RANBP17: variants seen among roughly 807,000 people sequenced by gnomAD.
RANBP17 encodes ran-binding protein 17.
A neutral mutation model predicts 141.2 loss-of-function variants in RANBP17; 158 were observed. The observed-to-expected ratio is 1.12, with a 90% confidence interval of 0.98 to 1.28. RANBP17 has a LOEUF of 1.28. Ranked by LOEUF, RANBP17 falls within the 50% of genes most tolerant of loss-of-function variation. The pLI is 0.00. For missense variants in RANBP17, 1,438 were observed against 1,290.7 expected, an observed-to-expected ratio of 1.11 and a Z score of -1.75; for synonymous variants, 430 against 450.0, an observed-to-expected ratio of 0.96 and a Z score of 0.56.
At chr5:171,061,835 A>G (rs1242903562) in intron 14 of RANBP17, among the ~76,000 whole-genome samples, 2 of 152,170 alleles carry the variant, frequency 1.3e-5, no homozygotes, top group African/African-American at 4.8e-5. Context: ...TGCTTTATGA[A>G]TCTGGGTGCT....
chr5:171,211,024 A>G (rs986798191), intron 20 of RANBP17, among the ~76,000 whole-genome samples: 8 of 149,020 alleles, frequency 5.4e-5, no homozygotes, highest in Non-Finnish European at 8.9e-5. Flanking sequence ...AAAAAAGGCT[A>G]TACCTTTCTT....
chr5:170,897,309 T>A lies in RANBP17; in HGVS notation c.489+1194T>A. The A allele has an allele frequency of 3.3e-6, 2 of 613,098 alleles. 1 individual carries two copies. Among genetic ancestry groups the A allele is most frequent in the Middle Eastern group, 5.7e-4 (2 of 3,528 alleles). 38.0% of individuals were successfully genotyped at this position (613,098 alleles called of 1,614,324 possible). A position where few individuals can be genotyped will look rare whatever the true frequency, so the allele number is the denominator to read the frequency against. ...CAGTGTTTCTTTATAATACATTCCG[T>A]GGGAGGAGAATCAGGATCTGGGCTT... is the stretch of plus-strand genomic sequence containing the variant. On this transcript the variant is annotated intron_variant, in intron 5 of 27. Coordinates refer to ENST00000523189, the MANE Select transcript of RANBP17 (RefSeq NM_022897.5).
At chr5:171,147,224 A>G (rs936945272) in intron 14 of RANBP17, among the ~76,000 whole-genome samples, 1 of 152,074 alleles carries the variant, frequency 6.6e-6, no homozygotes, top group Non-Finnish European at 1.5e-5. Flanking sequence ...CCTGGTTAGC[A>G]CAATGAGTGG....
chr5:171,063,928 C>T (rs1784109999), intron 14 of RANBP17, among the ~76,000 whole-genome samples: 1 of 152,258 alleles, frequency 6.6e-6, no homozygotes, highest in South Asian at 2.1e-4. Flanking sequence ...GCTGTGCTAG[C>T]AGTCAGCGAG....
chr5:170,914,514 A>AT, intron 8 of RANBP17, among the ~76,000 whole-genome samples: 1 of 152,080 alleles, frequency 6.6e-6, no homozygotes, highest in Middle Eastern at 3.4e-3. Context: ...CTAAATACAT[A>AT]TTTTTTTCCT....
intron 14 of RANBP17, among the ~76,000 whole-genome samples, chr5:171,123,262 G>A (rs904888753): frequency 1.3e-5 from 2 of 152,110 alleles, no homozygotes; most frequent in Non-Finnish European, 2.9e-5. Flanking sequence ...ACCCACACAT[G>A]TCATCCAGGG....
intron 25 of RANBP17, chr5:171,271,089 T>TTTTTTTTTTTTTTTTA (rs1767085966): frequency 1.0e-5 from 1 of 97,810 alleles, no homozygotes; most frequent in Non-Finnish European, 2.0e-5. Flanking sequence ...TTTTTTTTTT[T>TTTTTTTTTTTTTTTTA]TTTTTTTTTT....
chr5:171,096,386 G>T (rs1447236484), intron 14 of RANBP17, among the ~76,000 whole-genome samples: 1 of 152,172 alleles, frequency 6.6e-6, no homozygotes, highest in African/African-American at 2.4e-5. Flanking sequence ...AGTCACTAAT[G>T]AAGTCATTGA....
At chr5:171,063,600 G>A (rs571051598) in intron 14 of RANBP17, among the ~76,000 whole-genome samples, 12 of 152,330 alleles carry the variant, frequency 7.9e-5, no homozygotes, top group Admixed American at 1.3e-4. Flanking sequence ...TAGGCTGCTC[G>A]GGGGTCAGGG....
chr5:171,175,633 A>G (rs552316265), intron 16 of RANBP17, among the ~76,000 whole-genome samples: 94 of 152,328 alleles, frequency 6.2e-4, no homozygotes, highest in South Asian at 1.9e-3. Context: ...AGGAACAGAC[A>G]CTTCTCAAAA....
rs754305404 is a variant in RANBP17, at chr5:171,039,948, A to G, written c.1710+71571A>G. On this transcript the variant is annotated intron_variant, in intron 14 of 27. Transcript: ENST00000523189. Reference sequence around the variant, plus strand: ...CAGCCAAATTCTACCACATGTACATAGAAGAGCTGGTACAAACTCTACCGA... The same window carrying G: ...CAGCCAAATTCTACCACATGTACATGGAAGAGCTGGTACAAACTCTACCGA... Among the ~76,000 whole-genome samples, 4 of 152,174 alleles carry G rather than the reference A, an allele frequency of 2.6e-5. No homozygotes were observed. The East Asian group carries it at 7.7e-4, about 29-fold the overall frequency.
chr5:170,981,788 A>G (rs1777795581), intron 14 of RANBP17, among the ~76,000 whole-genome samples: 1 of 152,156 alleles, frequency 6.6e-6, no homozygotes, highest in African/African-American at 2.4e-5. Context: ...TATCTGTCTT[A>G]ATGTACCTGA....
At chr5:171,112,519 T>C (rs956192934) in intron 14 of RANBP17, among the ~76,000 whole-genome samples, 6 of 151,882 alleles carry the variant, frequency 4.0e-5, no homozygotes, top group African/African-American at 1.4e-4. Context: ...AGACAGACAA[T>C]ACTATTTTGG....
chr5:171,242,621 G>A, intron 23 of RANBP17, 61 bp from the exon 24 acceptor site: 1 of 1,555,082 alleles, frequency 6.4e-7, no homozygotes, highest in Non-Finnish European at 8.8e-7. Flanking sequence ...AATTTTCACT[G>A]GACTGTAACA....
At chr5:171,153,063 G>A (rs763849143) in intron 14 of RANBP17, among the ~76,000 whole-genome samples, 37 of 152,274 alleles carry the variant, frequency 2.4e-4, no homozygotes, top group Admixed American at 7.2e-4. Context: ...GAGGAAAGGG[G>A]CAGTGTCTAT....
intron 14 of RANBP17, among the ~76,000 whole-genome samples, chr5:171,133,345 A>G (rs1003980283): frequency 6.6e-6 from 1 of 152,204 alleles, no homozygotes; most frequent in Non-Finnish European, 1.5e-5. Context: ...ATTATAGTTA[A>G]TAGTTAATTA....
intron 14 of RANBP17, among the ~76,000 whole-genome samples, chr5:170,977,946 A>C (rs1240348787): frequency 6.6e-6 from 1 of 152,104 alleles, no homozygotes; most frequent in Non-Finnish European, 1.5e-5. Flanking sequence ...ATAGAAAAAA[A>C]CACTGAATTG....
At chr5:170,987,549 A>G (rs938840745) in intron 14 of RANBP17, among the ~76,000 whole-genome samples, 1 of 151,666 alleles carries the variant, frequency 6.6e-6, no homozygotes, top group Non-Finnish European at 1.5e-5. Flanking sequence ...TTTAAAAAAA[A>G]AATAATTTCT....
intron 14 of RANBP17, among the ~76,000 whole-genome samples, chr5:171,058,279 T>G (rs954056174): frequency 6.7e-6 from 1 of 150,322 alleles, no homozygotes; most frequent in African/African-American, 2.4e-5. Flanking sequence ...TCATTTAGCA[T>G]TAGGTATATC....
Sources: gnomAD v4.1 joint callset for allele counts (sites outside exome capture counted in the v4.1 genomes callset) on GRCh38, gnomAD v4.1.1 for gene constraint, MANE v1.5 for transcripts, NCBI Gene and HGNC (gene_info 2026-07-23, HGNC 2026-07-21) for gene names.